The following IQGAP2 variants were observed in gnomAD, a reference collection of about 807,000 sequenced individuals.
IQGAP2 encodes IQ motif containing GTPase activating protein 2, also known as ras GTPase-activating-like protein IQGAP2.
A neutral mutation model predicts 201.3 loss-of-function variants in IQGAP2; 173 were observed. That is an observed-to-expected ratio of 0.86 (90% CI 0.76 to 0.98). The LOEUF (loss-of-function observed/expected upper bound fraction) is 0.98, where lower values mean the gene tolerates loss of function less well. Among genes scored for constraint, IQGAP2 ranks in the 50% least tolerant of loss-of-function variants. IQGAP2 has a pLI of 0.00. For synonymous variants in IQGAP2, 675 were observed against 673.9 expected, an observed-to-expected ratio of 1.00 and a Z score of -0.03; for missense variants, 1,687 against 1,864.8, an observed-to-expected ratio of 0.90 and a Z score of 1.76.
chr5:76,409,070 G>A lies in IQGAP2; in HGVS notation c.46+5479G>A, dbSNP rs573297479. 3.6e-4 allele frequency among the ~76,000 whole-genome samples: 55 copies of A among 152,002 alleles called. No homozygotes were observed. In the South Asian group the frequency reaches 8.1e-3, roughly 22 times the overall value. On this transcript the variant is annotated intron_variant, in intron 1 of 35. Coordinates refer to ENST00000274364, the MANE Select transcript of IQGAP2 (RefSeq NM_006633.5). ...AGCCTCCCAAAGTGCTAGGATTACAGGTGTGAGCCACCACGCCCAGTGAGA... is the reference window on the plus strand; with the variant it reads ...AGCCTCCCAAAGTGCTAGGATTACAAGTGTGAGCCACCACGCCCAGTGAGA...
At chr5:76,481,878 C>A (rs1301982268) in intron 2 of IQGAP2, among the ~76,000 whole-genome samples, 2 of 152,176 alleles carry the variant, frequency 1.3e-5, no homozygotes, top group East Asian at 3.9e-4. Context: ...CTTAGTCTAA[C>A]AGGAGCCTCT....
intron 2 of IQGAP2, among the ~76,000 whole-genome samples, chr5:76,520,824 C>G (rs7737274): frequency 6.6e-6 from 1 of 150,636 alleles, no homozygotes; most frequent in African/African-American, 2.4e-5. Context: ...TTTCCTTCGT[C>G]AGCCTCCCGA....
chr5:76,650,946 AT>A (rs1215904751), intron 17 of IQGAP2, among the ~76,000 whole-genome samples: 1 of 152,138 alleles, frequency 6.6e-6, no homozygotes, highest in Non-Finnish European at 1.5e-5. Context: ...AGGTGCTTTA[AT>A]TTTCCTGGGC....
At chr5:76,565,772 T>A (rs1744702266) in intron 3 of IQGAP2, among the ~76,000 whole-genome samples, 1 of 152,176 alleles carries the variant, frequency 6.6e-6, no homozygotes, top group South Asian at 2.1e-4. Flanking sequence ...TTCTGTGCTT[T>A]ATTTGGTACA....
chr5:76,491,407 G>A (rs1297893315), intron 2 of IQGAP2, among the ~76,000 whole-genome samples: 1 of 152,196 alleles, frequency 6.6e-6, no homozygotes, highest in African/African-American at 2.4e-5. Flanking sequence ...ATTGGTAACA[G>A]TGTTACAGTT....
intron 17 of IQGAP2, 36 bp from the exon 18 acceptor site, chr5:76,652,714 C>T: frequency 7.0e-7 from 1 of 1,427,280 alleles, no homozygotes; most frequent in Non-Finnish European, 9.9e-7. Flanking sequence ...GGGAAACTTG[C>T]TGGTAAATAA....
At chr5:76,444,750 A>G (rs185891792) in intron 1 of IQGAP2, among the ~76,000 whole-genome samples, 1 of 152,348 alleles carries the variant, frequency 6.6e-6, no homozygotes, top group African/African-American at 2.4e-5. Context: ...AAGAAGTAAA[A>G]TCCAGAAAAG....
chr5:76,414,769 T>G (rs935891467), intron 1 of IQGAP2, among the ~76,000 whole-genome samples: 1 of 152,232 alleles, frequency 6.6e-6, no homozygotes, highest in Non-Finnish European at 1.5e-5. Context: ...TCTCAAAAGC[T>G]TCCTTCCTCA....
intron 33 of IQGAP2, among the ~76,000 whole-genome samples, chr5:76,700,369 T>C (rs1366166869): frequency 6.6e-6 from 1 of 152,150 alleles, no homozygotes; most frequent in Admixed American, 6.5e-5. Flanking sequence ...TCGCCGGATG[T>C]GGTGGCATGT....
intron 1 of IQGAP2, among the ~76,000 whole-genome samples, chr5:76,451,140 A>G (rs1399519251): frequency 6.6e-6 from 1 of 152,134 alleles, no homozygotes; most frequent in Non-Finnish European, 1.5e-5. Flanking sequence ...GCTTGTCTTT[A>G]TGTAAATTGG....
At chr5:76,475,994 G>C (rs1419071081) in intron 2 of IQGAP2, among the ~76,000 whole-genome samples, 1 of 152,066 alleles carries the variant, frequency 6.6e-6, no homozygotes, top group Non-Finnish European at 1.5e-5. Context: ...ATGGAGTGGG[G>C]TGAAATCAAG....
intron 11 of IQGAP2, among the ~76,000 whole-genome samples, 171 bp from the exon 12 acceptor site, chr5:76,606,008 C>A (rs927211665): frequency 6.6e-6 from 1 of 152,184 alleles, no homozygotes; most frequent in Non-Finnish European, 1.5e-5. Context: ...ACCATTAGTA[C>A]AAGTAAGCCT....
At chr5:76,677,898 T>G (rs1193862190) in intron 28 of IQGAP2, among the ~76,000 whole-genome samples, 1 of 152,110 alleles carries the variant, frequency 6.6e-6, no homozygotes, top group Non-Finnish European at 1.5e-5. Flanking sequence ...GCCACTGCAC[T>G]CCAGCCGGGG....
At chr5:76,413,804 G>C (rs951461086) in intron 1 of IQGAP2, among the ~76,000 whole-genome samples, 7 of 152,192 alleles carry the variant, frequency 4.6e-5, no homozygotes, top group African/African-American at 1.7e-4. Context: ...AGATGGGAAG[G>C]AGCTACTTGA....
At chr5:76,567,191 C>G (rs1372150923) in intron 3 of IQGAP2, among the ~76,000 whole-genome samples, 1 of 152,228 alleles carries the variant, frequency 6.6e-6, no homozygotes, top group East Asian at 1.9e-4. Flanking sequence ...CTCTGAGCCT[C>G]AGTTTCCTCA....
intron 1 of IQGAP2, among the ~76,000 whole-genome samples, chr5:76,427,532 A>C (rs1752078639): frequency 6.6e-6 from 1 of 152,160 alleles, no homozygotes; most frequent in African/African-American, 2.4e-5. Context: ...CTATTTTTTC[A>C]AAATTTCTAC....
chr5:76,602,495 T>C (rs1747496417), intron 11 of IQGAP2, among the ~76,000 whole-genome samples: 3 of 152,204 alleles, frequency 2.0e-5, no homozygotes, highest in Admixed American at 1.3e-4. Flanking sequence ...TTGAAAACCA[T>C]ATTCATACCT....
chr5:76,671,115 G>C (rs1273309826), intron 23 of IQGAP2, among the ~76,000 whole-genome samples: 1 of 151,806 alleles, frequency 6.6e-6, no homozygotes, highest in Non-Finnish European at 1.5e-5. Context: ...ACAAAAATTA[G>C]CTGGGCATGG....
chr5:76,670,072 A>G (rs1744169127), intron 23 of IQGAP2, among the ~76,000 whole-genome samples: 1 of 152,150 alleles, frequency 6.6e-6, no homozygotes, highest in Non-Finnish European at 1.5e-5. Flanking sequence ...GATAGGTCCC[A>G]GAGAGATGGC....
Sources: allele counts gnomAD v4.1 joint callset (sites outside exome capture counted in the v4.1 genomes callset), GRCh38; gene constraint gnomAD v4.1.1; transcripts MANE v1.5; gene names NCBI Gene and HGNC (gene_info 2026-07-23, HGNC 2026-07-21).